Variants in PRKACA observed in about 807,000 individuals in gnomAD.
PRKACA encodes the protein protein kinase cAMP-activated catalytic subunit alpha, also known as cAMP-dependent protein kinase catalytic subunit alpha.
In PRKACA, 9 loss-of-function variants were observed where a neutral mutation model predicts 45.8. That is an observed-to-expected ratio of 0.20 (90% CI 0.12 to 0.34). The LOEUF is 0.34. Among genes scored for constraint, PRKACA ranks in the 10% least tolerant of loss-of-function variants. The pLI, the probability that PRKACA is intolerant of heterozygous loss-of-function variation, is 1.00. For missense variants in PRKACA, 238 were observed against 458.6 expected (o/e 0.52, Z 4.39); for synonymous variants, 160 against 178.6 (o/e 0.90, Z 0.83).
At chr19:14,112,057 TG>T (rs1966980506) in intron 1 of PRKACA, among the ~76,000 whole-genome samples, 1 of 152,190 alleles carries the variant, frequency 6.6e-6, no homozygotes, top group Admixed American at 6.5e-5. Context: ...GGCCCTTCTC[TG>T]GCCTCTCAAA....
rs564472142 is a variant in PRKACA at position 14,098,582 on chromosome 19, G to A, written c.420-692C>T. The A allele has an allele frequency of 5.3e-5, 8 of 151,186 alleles. 1 individual carries two copies. Among genetic ancestry groups the A allele is most frequent in the African/African-American group, 1.9e-4 (8 of 41,112 alleles). The allele number at this position is 151,186 out of a possible 1,614,324, so 9.4% of individuals were successfully genotyped here. The stretch of plus-strand genomic sequence containing the variant: ...ATAATCTCGGCTCACTGCAACCTTT[G>A]CCTCCTGGAAACAAGTGATTCTCTT... On this transcript the variant is annotated intron_variant, in intron 5 of 9. Transcript: ENST00000308677.
At chr19:14,099,064 G>A (rs1002149606) in intron 5 of PRKACA, among the ~76,000 whole-genome samples, 8 of 152,110 alleles carry the variant, frequency 5.3e-5, no homozygotes, top group East Asian at 1.9e-4. Context: ...AGGCGGGGGG[G>A]GCGGATCACC....
chr19:14,098,571 C>T (rs1028059213), intron 5 of PRKACA: 1 of 151,758 alleles, frequency 6.6e-6, no homozygotes, highest in Non-Finnish European at 1.5e-5. Context: ...TCTCGGCTCA[C>T]TGCAACCTTT....
chr19:14,108,454 C>G (rs1977678308), intron 1 of PRKACA: 1 of 152,414 alleles, frequency 6.6e-6, no homozygotes, highest in Non-Finnish European at 1.5e-5. Context: ...GTCGCCCAGG[C>G]TGGAATGCAG....
intron 1 of PRKACA, among the ~76,000 whole-genome samples, chr19:14,109,999 TACACACACAC>T (rs764855462): frequency 7.2e-5 from 4 of 55,462 alleles, no homozygotes; most frequent in Non-Finnish European, 1.2e-4. Context: ...TATATATATA[TACACACACAC>T]ACACACACAC....
chr19:14,116,287 C>G (rs940016189), intron 1 of PRKACA, among the ~76,000 whole-genome samples: 5 of 152,124 alleles, frequency 3.3e-5, no homozygotes, highest in Admixed American at 3.3e-4. Context: ...GATGGTATTT[C>G]CAGATAGAGA....
chr19:14,109,017 C>T (rs1038405428), intron 1 of PRKACA, among the ~76,000 whole-genome samples: 22 of 151,168 alleles, frequency 1.5e-4, no homozygotes, highest in African/African-American at 2.9e-4. Flanking sequence ...CATGAGCCAC[C>T]GTGCCCAGCC....
intron 4 of PRKACA, 45 bp from the exon 5 acceptor site, chr19:14,100,953 G>A: frequency 6.4e-7 from 1 of 1,572,346 alleles, no homozygotes. Context: ...CTGAGACTTG[G>A]ACCCGATCTG....
chr19:14,107,712 G>A (rs1977654561), intron 1 of PRKACA: 5 of 1,166,232 alleles, frequency 4.3e-6, no homozygotes, highest in East Asian at 4.8e-5. Flanking sequence ...AGTTCTGACC[G>A]ACATTCCATG....
rs1212290477 is a variant in PRKACA, at chr19:14,117,570, G to A, written c.-23C>T. 3.3e-5 allele frequency: 38 copies of A among 1,135,374 alleles called. No homozygotes were observed. Among genetic ancestry groups the A allele is most frequent in the Admixed American group, 2.0e-4 (4 of 20,018 alleles). 70.3% of individuals were successfully genotyped at this position (1,135,374 alleles called of 1,614,324 possible). On this transcript the variant is annotated 5_prime_UTR_variant, in exon 1 of 10. Coordinates refer to ENST00000308677, the MANE Select transcript of PRKACA (RefSeq NM_002730.4). ...CATCGCGGCGGCGGCGGCCGGGGCC[G>A]GTCCCGGAGCTGCGGCGCGGCGGGT...
intron 1 of PRKACA, chr19:14,114,212 CCTGCCGTGT>C: frequency 6.3e-7 from 1 of 1,592,334 alleles, no homozygotes. Context: ...GCTCATGAGA[CCTGCCGTGT>C]CTGTTCGGCT....
At chr19:14,101,589 C>T (rs1977445991) in intron 4 of PRKACA, among the ~76,000 whole-genome samples, 1 of 151,284 alleles carries the variant, frequency 6.6e-6, no homozygotes, top group East Asian at 2.0e-4. Flanking sequence ...AATGGCCGGG[C>T]ACGGCTCACA....
rs1442669835 is a variant in PRKACA at position 14,100,813 on chromosome 19, G to A, written c.419+13C>T. The A allele has an allele frequency of 2.5e-6, 4 of 1,613,462 alleles. No individual in the cohort carries two copies. In the East Asian group the frequency reaches 6.7e-5, roughly 27 times the overall value. The stretch of plus-strand genomic sequence containing the variant: ...CCCTGACAGCCTGATGTGATGGGGG[G>A]TGGCCCGCTTACCTGAACCTTCCGA... On this transcript the variant is annotated intron_variant, in intron 5 of 9. Transcript: ENST00000308677.
At chr19:14,105,676 A>G (rs1397897234) in intron 3 of PRKACA, among the ~76,000 whole-genome samples, 1 of 152,032 alleles carries the variant, frequency 6.6e-6, no homozygotes, top group African/African-American at 2.4e-5. Context: ...CCTGGGTTCA[A>G]GTGATCCTCC....
rs370893151 is a variant in PRKACA, at chr19:14,115,335, T to C, written c.46+2167A>G. Among the ~76,000 whole-genome samples, 14 of 152,334 alleles carry C rather than the reference T, an allele frequency of 9.2e-5. No individual in the cohort carries two copies. The East Asian group carries it at 1.7e-3, about 19-fold the overall frequency. Reference sequence around the variant, plus strand: ...ACACAAGTGAGTAAAACTTTTATTATTTTAAATTAAGAAAATATGATAGAG... The same window carrying C: ...ACACAAGTGAGTAAAACTTTTATTACTTTAAATTAAGAAAATATGATAGAG... On this transcript the variant is annotated intron_variant, in intron 1 of 9. Transcript: ENST00000308677.
intron 8 of PRKACA, among the ~76,000 whole-genome samples, chr19:14,095,728 G>A (rs1977227543): frequency 1.3e-5 from 2 of 151,870 alleles, no homozygotes; most frequent in Non-Finnish European, 2.9e-5. Context: ...ATGTTAGCCA[G>A]GCTGGTCTTG....
rs1477282582 is a variant in PRKACA at position 14,113,208 on chromosome 19, G to A, written c.46+4294C>T. Among the ~76,000 whole-genome samples, 4 of 152,176 alleles carry A rather than the reference G, an allele frequency of 2.6e-5. No homozygotes were observed. The East Asian group carries it at 7.7e-4, about 29-fold the overall frequency. On this transcript the variant is annotated intron_variant, in intron 1 of 9. Coordinates refer to ENST00000308677, the MANE Select transcript of PRKACA (RefSeq NM_002730.4). ...ACCGGAAACGAGCGGCTAAACCCAG[G>A]GGTGGGGGAGGGGGAGGCAGCCTTG...
chr19:14,097,672 C>T lies in PRKACA; in HGVS notation c.549G>A (p.Val183=), dbSNP rs746473377. 4 of 1,609,412 alleles carry T rather than the reference C, an allele frequency of 2.5e-6. No individual in the cohort carries two copies. Among genetic ancestry groups the T allele is most frequent in the Non-Finnish European group, 3.4e-6 (4 of 1,176,746 alleles). The change falls in exon 7 of 10, where the codon GTG becomes GTA. Residue 183 remains valine, a splice_region_variant and synonymous_variant. Coordinates refer to ENST00000308677, the MANE Select transcript of PRKACA (RefSeq NM_002730.4). The surrounding 1 kb of genome is among the most constrained non-coding windows in gnomAD (Gnocchi z 5.4). The part of the protein sequence containing the change: ...LLIDQQGYIQ[V]TDFGFAKRVK... ...CGCGCTTGGCGAAACCGAAGTCTGT[C>T]ACCTGTGGGCACAAGAACAGGCAGT... is the stretch of plus-strand genomic sequence containing the variant.
At position 14,097,848 on chromosome 19, in the gene PRKACA, G is replaced by A. The variant is rs760188119; in HGVS notation, c.462C>T (p.Thr154=). ...GATCCAGCGAGTGCAGATACTCAAA[G>A]GTCAGGACGATCTGGGCCGCGTAGA... ...ARFYAAQIVL[T]FEYLHSLDLI... is the part of the protein sequence containing the mutation. Residue 154 remains threonine, a synonymous_variant, in exon 6 of 10, where the codon ACC becomes ACT. Transcript: ENST00000308677. This position sits in a 1 kb window ranked among gnomAD's most constrained non-coding sequence, Gnocchi z 5.4. 1 of 1,614,148 alleles carries A rather than the reference G, an allele frequency of 6.2e-7. No homozygotes were observed. The highest frequency in any genetic ancestry group is 8.5e-7 in the Non-Finnish European group (1 of 1,180,030).
Sources: gnomAD v4.1 joint callset for allele counts (sites outside exome capture counted in the v4.1 genomes callset) on GRCh38, gnomAD v4.1.1 for gene constraint, Gnocchi (gnomAD v3.1) non-coding constraint, MANE v1.5 for transcripts, NCBI Gene and HGNC (gene_info 2026-07-23, HGNC 2026-07-21) for gene names.